Variants in OPCML observed in about 807,000 individuals in gnomAD.
OPCML encodes the protein opioid binding protein/cell adhesion molecule like, also known as opioid-binding protein/cell adhesion molecule.
OPCML carries 13 observed loss-of-function variants against 37.8 expected under a neutral mutation model. That is an observed-to-expected ratio of 0.34 (90% confidence interval 0.22 to 0.55). OPCML has a LOEUF of 0.55. Among genes scored for constraint, OPCML ranks in the 20% least tolerant of loss-of-function variants. OPCML has a pLI of 0.91. For synonymous variants in OPCML, 176 were observed against 168.8 expected (o/e 1.04, Z -0.33); for missense variants, 341 against 435.6 (o/e 0.78, Z 1.93).
At chr11:132,482,766 T>C (rs2096185497) in intron 4 of OPCML, among the ~76,000 whole-genome samples, 1 of 151,914 alleles carries the variant, frequency 6.6e-6, no homozygotes, top group Non-Finnish European at 1.5e-5. Flanking sequence ...TGGTTCAATA[T>C]ACACAAATCA....
intron 2 of OPCML, among the ~76,000 whole-genome samples, chr11:132,761,426 G>A (rs772973709): frequency 7.2e-5 from 11 of 152,068 alleles, no homozygotes; most frequent in African/African-American, 1.7e-4. Flanking sequence ...CATTTTCCCC[G>A]TCAGTTTCAT....
At chr11:133,196,183 G>A (rs917394763) in intron 1 of OPCML, among the ~76,000 whole-genome samples, 1 of 152,178 alleles carries the variant, frequency 6.6e-6, no homozygotes, top group Non-Finnish European at 1.5e-5. Context: ...TAATGACTTT[G>A]GGGTTTACTG....
rs144707762 is a variant in OPCML at position 133,178,830 on chromosome 11, G to A, written c.62-235820C>T. On this transcript the variant is annotated intron_variant, in intron 1 of 7. Coordinates refer to ENST00000524381, the MANE Select transcript of OPCML (RefSeq NM_001012393.5). The stretch of plus-strand genomic sequence containing the variant: ...GAGTTGATTGCTCAAATTCCAAAAT[G>A]AGAAGACTATTTTAAGCATGCAGGG... Among the ~76,000 whole-genome samples the A allele has an allele frequency of 3.4e-4, 52 of 152,312 alleles. No homozygotes were observed. The Middle Eastern group carries it at 0.01, about 30-fold the overall frequency.
At chr11:132,997,743 G>A (rs938077738) in intron 1 of OPCML, among the ~76,000 whole-genome samples, 1 of 152,228 alleles carries the variant, frequency 6.6e-6, no homozygotes, top group Non-Finnish European at 1.5e-5. Flanking sequence ...GATTCCAAGA[G>A]CCTGTGTGTT....
At chr11:132,681,894 G>T (rs1049380106) in intron 2 of OPCML, among the ~76,000 whole-genome samples, 4 of 151,872 alleles carry the variant, frequency 2.6e-5, no homozygotes, top group Admixed American at 6.6e-5. Context: ...GGTGGAGCTT[G>T]CAGTGAGCCG....
At chr11:133,324,465 A>C (rs151087188) in intron 1 of OPCML, among the ~76,000 whole-genome samples, 101 of 152,346 alleles carry the variant, frequency 6.6e-4, no homozygotes, top group African/African-American at 2.4e-3. Context: ...ATGAAGAAAA[A>C]CTTTGCTCTC....
At chr11:132,444,382 G>T (rs2096047341) in intron 4 of OPCML, among the ~76,000 whole-genome samples, 2 of 152,242 alleles carry the variant, frequency 1.3e-5, no homozygotes, top group South Asian at 2.1e-4. Flanking sequence ...TGATGTGAGA[G>T]CCCCCTTCTT....
chr11:132,589,829 A>T (rs904349706), intron 3 of OPCML, among the ~76,000 whole-genome samples: 1 of 152,160 alleles, frequency 6.6e-6, no homozygotes, highest in African/African-American at 2.4e-5. Context: ...TTTTCCTTAG[A>T]TATTTTTTCT....
At position 132,420,214 on chromosome 11, in the gene OPCML, G is replaced by A. The variant is rs1312496270; in HGVS notation, c.996C>T (p.Ala332=). The change falls in exon 8 of 8, where the codon GCC becomes GCT. Residue 332 remains alanine, a synonymous_variant. Coordinates refer to ENST00000524381, the MANE Select transcript of OPCML (RefSeq NM_001012393.5). The stretch of plus-strand genomic sequence containing the variant: ...CTTATCAAAACTTGATGAAGAAGTG[G>A]GCTAAGAGGGTCCCTGATAGCCAGA... The part of the protein sequence containing the change: ...ACLWLSGTLL[A]HFFIKF The A allele has an allele frequency of 1.9e-6, 3 of 1,613,872 alleles. No homozygotes were observed. Among genetic ancestry groups the A allele is most frequent in the Non-Finnish European group, 2.5e-6 (3 of 1,179,848 alleles).
At chr11:132,984,020 C>T (rs141218290) in intron 1 of OPCML, among the ~76,000 whole-genome samples, 1 of 152,298 alleles carries the variant, frequency 6.6e-6, no homozygotes, top group African/African-American at 2.4e-5. Flanking sequence ...ATAGAGGTCT[C>T]ATAATTCTAC....
intron 1 of OPCML, among the ~76,000 whole-genome samples, chr11:133,140,630 GGAGGAAGAGGAGGAA>G (rs1274270481): frequency 3.4e-5 from 5 of 146,388 alleles, no homozygotes; most frequent in African/African-American, 1.2e-4. Context: ...AAGAGGAAGA[GGAGGAAGAGGAGGAA>G]GAGGAAGAGG....
chr11:133,213,642 G>A (rs1261026101), intron 1 of OPCML, among the ~76,000 whole-genome samples: 1 of 152,248 alleles, frequency 6.6e-6, no homozygotes, highest in East Asian at 1.9e-4. Flanking sequence ...TTACTGACTA[G>A]TTACATGAGA....
chr11:133,004,370 C>T, intron 1 of OPCML: 1 of 985,440 alleles, frequency 1.0e-6, no homozygotes, highest in Non-Finnish European at 1.2e-6. Flanking sequence ...ATTAATGGTT[C>T]TGCTCTCTCT....
chr11:132,602,102 G>A (rs376862567), intron 3 of OPCML, among the ~76,000 whole-genome samples: 60 of 152,254 alleles, frequency 3.9e-4, no homozygotes, highest in African/African-American at 1.4e-3. Context: ...TCACAAACAG[G>A]AGACAGCTTC....
intron 2 of OPCML, among the ~76,000 whole-genome samples, chr11:132,786,233 A>G (rs886385675): frequency 1.3e-5 from 2 of 152,218 alleles, no homozygotes; most frequent in African/African-American, 2.4e-5. Context: ...GAAAGTAAAT[A>G]CCGTTCATTA....
At chr11:132,993,615 A>G (rs1431442632) in intron 1 of OPCML, among the ~76,000 whole-genome samples, 1 of 152,180 alleles carries the variant, frequency 6.6e-6, no homozygotes, top group Non-Finnish European at 1.5e-5. Flanking sequence ...AAAGGGCAGA[A>G]CACACTGCAC....
rs57367093 is a variant in OPCML, at chr11:132,518,665, A to G, written c.505+10396T>C. Among the ~76,000 whole-genome samples, 646 of 152,250 alleles carry G rather than the reference A, an allele frequency of 4.2e-3. 8 individuals carry two copies. Among genetic ancestry groups the G allele is most frequent in the African/African-American group, 0.014 (596 of 41,548 alleles). On this transcript the variant is annotated intron_variant, in intron 4 of 7. Transcript: ENST00000524381. The stretch of plus-strand genomic sequence containing the variant: ...CTGTTCAAATGTCACTATCTCAGGG[A>G]AAAGTTACCCTAGGCTATACCACAC...
chr11:133,398,124 C>A (rs954281141), intron 1 of OPCML, among the ~76,000 whole-genome samples: 8 of 152,198 alleles, frequency 5.3e-5, no homozygotes, highest in Non-Finnish European at 7.3e-5. Context: ...CACCTGCTGA[C>A]CTGGGGGATC....
At chr11:132,595,396 G>A (rs371513563) in intron 3 of OPCML, among the ~76,000 whole-genome samples, 14 of 152,190 alleles carry the variant, frequency 9.2e-5, no homozygotes, top group African/African-American at 3.1e-4. Flanking sequence ...AAAATCTGTG[G>A]GCAAGTTATT....
Sources: allele counts gnomAD v4.1 joint callset (sites outside exome capture counted in the v4.1 genomes callset), GRCh38; gene constraint gnomAD v4.1.1; transcripts MANE v1.5; gene names NCBI Gene and HGNC (gene_info 2026-07-23, HGNC 2026-07-21).